The following SEL1L3 variants were observed in gnomAD, a reference collection of about 807,000 sequenced individuals.
The protein encoded by SEL1L3 is SEL1L family member 3, also known as protein sel-1 homolog 3.
SEL1L3 carries 76 observed loss-of-function variants against 142.8 expected under a neutral mutation model. The observed-to-expected ratio is 0.53, with a 90% CI of 0.44 to 0.64. SEL1L3 has a LOEUF of 0.64. SEL1L3 is among the 30% of genes least tolerant of loss of function. SEL1L3 has a pLI of 0.00. For missense variants in SEL1L3, 1,262 were observed against 1,381.7 expected, an observed-to-expected ratio of 0.91 and a Z score of 1.37; for synonymous variants, 504 against 519.6, an observed-to-expected ratio of 0.97 and a Z score of 0.41.
At chr4:25,779,448 T>C (rs1719854267) in intron 15 of SEL1L3, among the ~76,000 whole-genome samples, 1 of 152,240 alleles carries the variant, frequency 6.6e-6, no homozygotes, top group African/African-American at 2.4e-5. Flanking sequence ...CATGTAATTA[T>C]GAATACCATT....
chr4:25,723,089 A>C, the SEL1L3 span, among the ~76,000 whole-genome samples: 1 of 152,116 alleles, frequency 6.6e-6, no homozygotes, highest in African/African-American at 2.4e-5. Flanking sequence ...AGGTGCTAAT[A>C]ATGAGTGACA....
downstream of SEL1L3, among the ~76,000 whole-genome samples, chr4:25,746,912 G>A (rs575347793): frequency 6.6e-6 from 1 of 152,142 alleles, no homozygotes; most frequent in East Asian, 1.9e-4. Flanking sequence ...ATTATCTCGT[G>A]TAAGCCTCAT....
chr4:25,744,348 C>CTTTTTT (rs35155388), downstream of SEL1L3, among the ~76,000 whole-genome samples: 23 of 101,440 alleles, frequency 2.3e-4, 6 homozygotes, highest in South Asian at 3.8e-4. Flanking sequence ...ATGTGTGAGT[C>CTTTTTT]TTTTTTTTTT....
chr4:25,829,979 C>A, intron 6 of SEL1L3, 119 bp downstream of exon 6: 3 of 689,170 alleles, frequency 4.4e-6, no homozygotes, highest in Non-Finnish European at 7.8e-6. Flanking sequence ...GAGAATAATC[C>A]ATGCTTGGAA....
chr4:25,823,589 T>G (rs1235804498), intron 6 of SEL1L3, among the ~76,000 whole-genome samples: 2 of 151,938 alleles, frequency 1.3e-5, no homozygotes. Flanking sequence ...AGGATTCTTA[T>G]TTTAAAGAAT....
At chr4:25,818,897 C>G (rs147798380) in intron 8 of SEL1L3, among the ~76,000 whole-genome samples, 3 of 152,344 alleles carry the variant, frequency 2.0e-5, no homozygotes, top group Non-Finnish European at 4.4e-5. Context: ...CTGTCACCAT[C>G]TGTAATCACT....
At chr4:25,722,603 T>A in the SEL1L3 span, among the ~76,000 whole-genome samples, 1 of 146,322 alleles carries the variant, frequency 6.8e-6, no homozygotes. Context: ...AGCCACAAGA[T>A]ACATGCAGCT....
intron 7 of SEL1L3, among the ~76,000 whole-genome samples, chr4:25,821,759 G>C (rs1714776840): frequency 6.6e-6 from 1 of 152,214 alleles, no homozygotes; most frequent in East Asian, 1.9e-4. Context: ...TAAACTAGTA[G>C]TTATTAAAAC....
In SEL1L3 at chr4:25,812,714, GAAA is replaced by G. The variant is rs35102531; in HGVS notation, c.1564+5421_1564+5423del. Among the ~76,000 whole-genome samples, 704 of 112,128 alleles carry G rather than the reference GAAA, an allele frequency of 6.3e-3. 4 individuals are homozygous for G. The highest frequency in any genetic ancestry group is 0.022 in the African/African-American group (663 of 30,542). 73.6% of individuals were successfully genotyped at this position (112,128 alleles called of 152,430 possible). On this transcript the variant is annotated intron_variant, in intron 9 of 23. Transcript: ENST00000399878. ...GCAACAAGAGTGAAACTCTGTCTCA[GAAA>G]AAAAAAAAAAAAAGGGTAGGTGCAG...
the SEL1L3 span, among the ~76,000 whole-genome samples, chr4:25,726,549 A>C: frequency 0.53 from 77,897 of 146,898 alleles, 20,772 homozygotes; most frequent in Admixed American, 0.56. Context: ...AAAAAAACCC[A>C]AAAAAAAACC....
chr4:25,807,120 G>T (rs1222238651), intron 9 of SEL1L3, among the ~76,000 whole-genome samples: 3 of 152,072 alleles, frequency 2.0e-5, no homozygotes, highest in African/African-American at 7.2e-5. Flanking sequence ...TACACATTAT[G>T]AATAACTCTC....
chr4:25,807,737 G>T (rs888846388), intron 9 of SEL1L3, among the ~76,000 whole-genome samples: 2 of 152,080 alleles, frequency 1.3e-5, no homozygotes, highest in Non-Finnish European at 2.9e-5. Context: ...CCGACCCCTG[G>T]CACGGAACCC....
At chr4:25,821,832 T>C (rs1381416898) in intron 7 of SEL1L3, among the ~76,000 whole-genome samples, 164 bp downstream of exon 7, 1 of 152,208 alleles carries the variant, frequency 6.6e-6, no homozygotes, top group Non-Finnish European at 1.5e-5. Context: ...CAGAAATTTT[T>C]ATTGCATTTG....
chr4:25,718,754 G>A, the SEL1L3 span: 1 of 152,148 alleles, frequency 6.6e-6, no homozygotes, highest in South Asian at 2.1e-4. Flanking sequence ...AAGAACTATT[G>A]AGCTTCTATA....
chr4:25,729,462 T>G, the SEL1L3 span, among the ~76,000 whole-genome samples: 1 of 152,134 alleles, frequency 6.6e-6, no homozygotes, highest in Admixed American at 6.6e-5. Flanking sequence ...ACCTGTAATC[T>G]CAGCACTTTC....
At chr4:25,845,656 C>CA (rs1183377498) in intron 2 of SEL1L3, among the ~76,000 whole-genome samples, 1 of 151,782 alleles carries the variant, frequency 6.6e-6, no homozygotes, top group Non-Finnish European at 1.5e-5. Flanking sequence ...TTATTTCCCC[C>CA]AAAGATAGCC....
chr4:25,834,693 A>C (rs981415370), intron 3 of SEL1L3, among the ~76,000 whole-genome samples: 6 of 152,260 alleles, frequency 3.9e-5, no homozygotes, highest in African/African-American at 1.4e-4. Context: ...CAGCATGGGA[A>C]GAATTAAATC....
chr4:25,721,894 C>G, the SEL1L3 span, among the ~76,000 whole-genome samples: 1 of 152,176 alleles, frequency 6.6e-6, no homozygotes, highest in East Asian at 1.9e-4. Flanking sequence ...AATGTGTTTG[C>G]ACAGTTGTGC....
chr4:25,752,545 T>TAGTGTC (rs1717673593), intron 23 of SEL1L3, among the ~76,000 whole-genome samples: 1 of 152,166 alleles, frequency 6.6e-6, no homozygotes, highest in Admixed American at 6.5e-5. Context: ...GGGTATTACC[T>TAGTGTC]AGTGTCAGCA....
Sources: gnomAD v4.1 joint callset for allele counts (sites outside exome capture counted in the v4.1 genomes callset) on GRCh38, gnomAD v4.1.1 for gene constraint, MANE v1.5 for transcripts, NCBI Gene and HGNC (gene_info 2026-07-23, HGNC 2026-07-21) for gene names.